AKNA: variants seen among roughly 807,000 people sequenced by gnomAD.
AKNA encodes AT-hook transcription factor, also known as microtubule organization protein AKNA.
Under a neutral mutation model 138.8 loss-of-function variants are expected in AKNA, and 67 were observed. The observed-to-expected ratio is 0.48, with a 90% CI of 0.40 to 0.59. The LOEUF (loss-of-function observed/expected upper bound fraction) is 0.59, where lower values mean the gene tolerates loss of function less well. Ranked by LOEUF, AKNA falls within the 20% of genes least tolerant of loss-of-function variation. The probability of loss-of-function intolerance (pLI) is 0.00; values close to 1 mark genes in which losing one functional copy is unlikely to be tolerated. For synonymous variants in AKNA, 737 were observed against 754.4 expected (o/e 0.98, Z 0.38); for missense variants, 1,813 against 1,880.4 (o/e 0.96, Z 0.66).
intron 11 of AKNA, among the ~76,000 whole-genome samples, chr9:114,358,919 A>G (rs1049020529): frequency 6.6e-6 from 1 of 152,146 alleles, no homozygotes; most frequent in Non-Finnish European, 1.5e-5. Flanking sequence ...GCACATGTAT[A>G]CATATGTAAC....
intron 19 of AKNA, among the ~76,000 whole-genome samples, chr9:114,342,399 A>T (rs527419593): frequency 6.6e-6 from 1 of 152,276 alleles, no homozygotes; most frequent in Admixed American, 6.5e-5. Flanking sequence ...CACTTTACAG[A>T]TGGGGAAATT....
At position 114,375,735 on chromosome 9, in the gene AKNA, G is replaced by A. The variant is rs571539958; in HGVS notation, c.1341+731C>T. Among the ~76,000 whole-genome samples the A allele has an allele frequency of 4.4e-4, 67 of 152,122 alleles. 1 individual carries two copies. Among genetic ancestry groups the A allele is most frequent in the Non-Finnish European group, 9.0e-4 (61 of 67,970 alleles). ...TTTCGGGGCTGCTAATTGTGGATGC[G>A]GGGGGTAGGTACATGGGAGTGTATT... On this transcript the variant is annotated intron_variant, in intron 3 of 21. Coordinates refer to ENST00000374088, the MANE Select transcript of AKNA (RefSeq NM_001317950.2).
chr9:114,347,604 T>G, intron 16 of AKNA, 120 bp downstream of exon 16: 1 of 1,020,062 alleles, frequency 9.8e-7, no homozygotes, highest in East Asian at 2.9e-5. Flanking sequence ...AATGAATGAA[T>G]GAGTGAGAGA....
intron 5 of AKNA, 148 bp from the exon 6 acceptor site, chr9:114,367,845 G>T: frequency 1.1e-6 from 1 of 902,956 alleles, no homozygotes. Flanking sequence ...CAGGAAGTGG[G>T]CTGGGTAGAA....
rs904849200 is a variant in AKNA, at chr9:114,355,996, G to A, written c.2987C>T (p.Ser996Phe). 45 of 1,614,076 alleles carry A rather than the reference G, an allele frequency of 2.8e-5. No individual in the cohort carries two copies. Among genetic ancestry groups the A allele is most frequent in the African/African-American group, 4.0e-5 (3 of 74,930 alleles). The change falls in exon 14 of 22, where the codon TCC becomes TTC. Residue 996 changes from serine to phenylalanine, a missense_variant. By Grantham distance (155) the Ser-to-Phe change is radical (BLOSUM62 -2). Transcript: ENST00000374088. ...CTGCCGGAGAGGCCCACTTGGGCTG[G>A]AGAGGTACCTCTGTGCTTGGCTCCG... ...TPRSQAQRYL[S>F]SPSGPLRQRA...
downstream of AKNA, among the ~76,000 whole-genome samples, chr9:114,332,866 T>G (rs1687417): frequency 0.65 from 97,584 of 151,246 alleles, 30,872 homozygotes; most frequent in East Asian, 0.84. Context: ...GAGCTCCCAT[T>G]GTAGAGGCAA....
downstream of AKNA, chr9:114,331,576 G>A (rs142633392): frequency 9.4e-4 from 1,518 of 1,613,592 alleles, 25 homozygotes; most frequent in African/African-American, 0.018. Context: ...GAGGGAGGCC[G>A]AGAACATGTT....
At chr9:114,356,525 A>G (rs1831513967) in intron 13 of AKNA, among the ~76,000 whole-genome samples, 1 of 151,926 alleles carries the variant, frequency 6.6e-6, no homozygotes, top group African/African-American at 2.4e-5. Context: ...TTTGGGTTCC[A>G]TGTAGCCACC....
rs1019814908 is a variant in AKNA at position 114,336,292 on chromosome 9, G to A, written c.*762C>T. ...AGGTATGCTGCTGCCACGGGGTAGG[G>A]GTGCGGGAGGCGGCCTGGCCTCATG... On this transcript the variant is annotated 3_prime_UTR_variant, in exon 22 of 22. Coordinates refer to ENST00000374088, the MANE Select transcript of AKNA (RefSeq NM_001317950.2). 2 of 152,630 alleles carry A rather than the reference G, an allele frequency of 1.3e-5. No individual in the cohort carries two copies. The highest frequency in any genetic ancestry group is 4.8e-5 in the African/African-American group (2 of 41,420). 9.5% of individuals were successfully genotyped at this position (152,630 alleles called of 1,614,324 possible).
rs766704609 is a variant in AKNA at position 114,376,601 on chromosome 9, C to A, written c.1206G>T (p.Glu402Asp). 2 of 1,614,168 alleles carry A rather than the reference C, an allele frequency of 1.2e-6. No individual in the cohort carries two copies. Among genetic ancestry groups the A allele is most frequent in the East Asian group, 4.5e-5 (2 of 44,844 alleles). ...ARPLIFKSPAEIVQEVLLSSG... is the reference protein window; with the variant it reads ...ARPLIFKSPADIVQEVLLSSG... ...TGCTCAACAGCACCTCCTGCACAATCTCAGCTGGAGACTTGAAGATGAGGG... is the reference window on the plus strand; with the variant it reads ...TGCTCAACAGCACCTCCTGCACAATATCAGCTGGAGACTTGAAGATGAGGG... The change falls in exon 3 of 22, where the codon GAG (glutamate) becomes GAT (aspartate). Residue 402 changes from glutamate to aspartate, a missense_variant. By Grantham distance (45) the Glu-to-Asp change is conservative. Coordinates refer to ENST00000374088, the MANE Select transcript of AKNA (RefSeq NM_001317950.2).
chr9:114,342,747 G>A (rs1009442571), intron 19 of AKNA, among the ~76,000 whole-genome samples: 6 of 21,670 alleles, frequency 2.8e-4, no homozygotes, highest in South Asian at 3.1e-3. Context: ...CACCCACCCC[G>A]GCAGAGTCAG....
rs1173707347 is a variant in AKNA at position 114,376,490 on chromosome 9, G to A, written c.1317C>T (p.Ala439=). The A allele has an allele frequency of 1.9e-6, 3 of 1,613,874 alleles. No individual in the cohort carries two copies. In the South Asian group the frequency reaches 3.3e-5, roughly 18 times the overall value. Residue 439 remains alanine (A), a synonymous_variant, in exon 3 of 22, where the codon GCC becomes GCT. Transcript: ENST00000374088. ...VPQEFQTPEQ[A]TELVHQLQED... ...CCTGGAGCTGATGGACCAGCTCAGTGGCTTGCTCAGGCGTCTGAAATTCTT... is the reference window on the plus strand; with the variant it reads ...CCTGGAGCTGATGGACCAGCTCAGTAGCTTGCTCAGGCGTCTGAAATTCTT...
In AKNA at chr9:114,334,171, C is replaced by G. The variant is rs1829913461; in HGVS notation, c.*2883G>C. On this transcript the variant is annotated 3_prime_UTR_variant, in exon 22 of 22. Coordinates refer to ENST00000374088, the MANE Select transcript of AKNA (RefSeq NM_001317950.2). ...CTCTTTTTTTCATAAACTACCCAGT[C>G]TCAGGTAGTTCTTTATAGCAATGTG... 1 of 127,362 alleles carries G rather than the reference C, an allele frequency of 7.9e-6. No homozygotes were observed. Among genetic ancestry groups the G allele is most frequent in the South Asian group, 2.6e-4 (1 of 3,882 alleles). 7.9% of individuals were successfully genotyped at this position (127,362 alleles called of 1,614,324 possible).
intron 1 of AKNA, among the ~76,000 whole-genome samples, chr9:114,385,334 C>T (rs940953233): frequency 1.3e-5 from 2 of 152,146 alleles, no homozygotes; most frequent in Non-Finnish European, 2.9e-5. Context: ...GGGATAGGGC[C>T]CAGGAATCTG....
At chr9:114,376,140 C>T (rs1292963112) in intron 3 of AKNA, 1 of 393,258 alleles carries the variant, frequency 2.5e-6, no homozygotes, top group African/African-American at 2.9e-5. Flanking sequence ...CTCCCCACCC[C>T]ACCAGCCTCT....
intron 1 of AKNA, chr9:114,383,097 A>T (rs928235380): frequency 4.4e-6 from 2 of 455,414 alleles, no homozygotes; most frequent in African/African-American, 4.0e-5. Context: ...TTCGCCGCCG[A>T]TGGCTGGGGT....
Position 114,337,012 on chromosome 9 carries a change from T to TTGGGGGGGGGGGGGGGGGG in AKNA, c.*41_*42insCCCCCCCCCCCCCCCCCCA. The TTGGGGGGGGGGGGGGGGGG allele has an allele frequency of 4.0e-5, 48 of 1,208,202 alleles. No homozygotes were observed. Among genetic ancestry groups the TTGGGGGGGGGGGGGGGGGG allele is most frequent in the Non-Finnish European group, 4.7e-5 (44 of 929,336 alleles). The allele number at this position is 1,208,202 out of a possible 1,614,324, so 74.8% of individuals were successfully genotyped here. The stretch of plus-strand genomic sequence containing the variant: ...CCCACTCCTGGCCTGGCAGGCCACC[T>TTGGGGGGGGGGGGGGGGGG]GCCCACCCACCCACCCATCTGCCTC... On this transcript the variant is annotated 3_prime_UTR_variant, in exon 22 of 22. Transcript: ENST00000374088.
rs1424113603 is a variant in AKNA at position 114,336,797 on chromosome 9, G to C, written c.*257C>G. The stretch of plus-strand genomic sequence containing the variant: ...GAGAGACTGCCTGAGGTTCTGCCTG[G>C]ACCGAAGGAGGCCTCGCTCACAGCA... On this transcript the variant is annotated 3_prime_UTR_variant, in exon 22 of 22. Transcript: ENST00000374088. 1 of 417,498 alleles carries C rather than the reference G, an allele frequency of 2.4e-6. No individual in the cohort carries two copies. Among genetic ancestry groups the C allele is most frequent in the African/African-American group, 2.0e-5 (1 of 49,394 alleles). The allele number at this position is 417,498 out of a possible 1,614,324, so 25.9% of individuals were successfully genotyped here.
At chr9:114,358,233 T>C in intron 11 of AKNA, 66 bp from the exon 12 acceptor site, 1 of 1,600,678 alleles carries the variant, frequency 6.2e-7, no homozygotes, top group Non-Finnish European at 8.5e-7. Flanking sequence ...GGTTGGCCTG[T>C]CCTGGGAGCC....
Sources: allele counts gnomAD v4.1 joint callset (sites outside exome capture counted in the v4.1 genomes callset), GRCh38; gene constraint gnomAD v4.1.1; transcripts MANE v1.5; gene names NCBI Gene and HGNC (gene_info 2026-07-23, HGNC 2026-07-21).